The following HK2 variants were observed in gnomAD, a reference collection of about 807,000 sequenced individuals.
HK2 encodes hexokinase 2, also known as hexokinase-2.
Under a neutral mutation model 92.9 loss-of-function variants are expected in HK2, and 42 were observed. The observed-to-expected ratio is 0.45, with a 90% CI of 0.35 to 0.58. The LOEUF (loss-of-function observed/expected upper bound fraction) is 0.58, where lower values mean the gene tolerates loss of function less well. HK2 is among the 20% of genes least tolerant of loss of function. The pLI, the probability that HK2 is intolerant of heterozygous loss-of-function variation, is 0.00. For synonymous variants in HK2, 422 were observed against 468.0 expected (o/e 0.90, Z 1.27); for missense variants, 978 against 1,245.1 (o/e 0.79, Z 3.23).
At chr2:74,883,075 G>T (rs1689441266) in intron 12 of HK2, among the ~76,000 whole-genome samples, 1 of 152,136 alleles carries the variant, frequency 6.6e-6, no homozygotes, top group Admixed American at 6.5e-5. Flanking sequence ...GGCAGTGCTG[G>T]ATCTGCTGAT....
intron 2 of HK2, among the ~76,000 whole-genome samples, chr2:74,862,495 A>C (rs1688853283): frequency 2.0e-5 from 3 of 152,154 alleles, no homozygotes; most frequent in Admixed American, 1.3e-4. Flanking sequence ...AAACAATTAG[A>C]GATATCGGGC....
At chr2:74,848,278 T>A (rs1430557495) in intron 1 of HK2, among the ~76,000 whole-genome samples, 3 of 152,248 alleles carry the variant, frequency 2.0e-5, no homozygotes, top group Non-Finnish European at 4.4e-5. Context: ...CTCATTGATC[T>A]ATAATATGAG....
At chr2:74,872,043 GCTTA>G (rs1689110649) in intron 3 of HK2, among the ~76,000 whole-genome samples, 2 of 152,200 alleles carry the variant, frequency 1.3e-5, no homozygotes, top group South Asian at 4.1e-4. Context: ...TAGAAAAATG[GCTTA>G]AGTAGAGGAC....
chr2:74,868,695 C>T (rs1234639418), intron 3 of HK2, among the ~76,000 whole-genome samples: 1 of 152,118 alleles, frequency 6.6e-6, no homozygotes, highest in Non-Finnish European at 1.5e-5. Context: ...GCCTCGATCT[C>T]CTGCCTTGGG....
At chr2:74,886,766 G>A (rs1305382114) in intron 15 of HK2, 93 bp downstream of exon 15, 6 of 1,302,644 alleles carry the variant, frequency 4.6e-6, no homozygotes, top group African/African-American at 2.9e-5. Flanking sequence ...CCAGGACGCC[G>A]GTTCTCGTGA....
chr2:74,849,883 A>G (rs1471792429), intron 1 of HK2, among the ~76,000 whole-genome samples: 1 of 152,230 alleles, frequency 6.6e-6, no homozygotes, highest in Admixed American at 6.5e-5. Flanking sequence ...TTCTGATGCC[A>G]GAGCACTCCT....
rs183287241 is a variant in HK2 at position 74,889,655 on chromosome 2, C to T, written c.2609+177C>T. Among the ~76,000 whole-genome samples the T allele has an allele frequency of 1.1e-4, 16 of 152,184 alleles. 1 individual carries two copies. The highest frequency in any genetic ancestry group is 9.2e-4 in the Admixed American group (14 of 15,290). ...ATCAGAAGTAGGCCTGTGTTTCACC[C>T]CCCACCGTGGGAAGCCCCCTCCGAG... is the stretch of plus-strand genomic sequence containing the variant. On this transcript the variant is annotated intron_variant, in intron 17 of 17. Transcript: ENST00000290573.
At chr2:74,837,698 A>T (rs1285950717) in intron 1 of HK2, among the ~76,000 whole-genome samples, 2 of 115,528 alleles carry the variant, frequency 1.7e-5, no homozygotes. Context: ...TTTTTTTGAG[A>T]CACAGTTTCA....
chr2:74,867,853 C>T, intron 3 of HK2, 69 bp downstream of exon 3: 1 of 1,567,488 alleles, frequency 6.4e-7, no homozygotes, highest in Admixed American at 1.7e-5. Context: ...TCTGTACTTT[C>T]TCCAGCCGCT....
intron 8 of HK2, 77 bp from the exon 9 acceptor site, chr2:74,878,611 T>C: frequency 8.4e-7 from 1 of 1,184,842 alleles, no homozygotes. Context: ...CTAAAGGGCT[T>C]CCTTGCCACC....
chr2:74,842,025 G>A (rs754825152), intron 1 of HK2, among the ~76,000 whole-genome samples: 1 of 152,232 alleles, frequency 6.6e-6, no homozygotes, highest in Non-Finnish European at 1.5e-5. Flanking sequence ...TGCATAACAC[G>A]CAGTGTGAGC....
At chr2:74,846,667 T>A (rs1348892566) in intron 1 of HK2, among the ~76,000 whole-genome samples, 1 of 152,198 alleles carries the variant, frequency 6.6e-6, no homozygotes, top group Admixed American at 6.5e-5. Context: ...CTTGTTTTTG[T>A]TTTTAAGAGA....
At chr2:74,869,413 T>G (rs147371707) in intron 3 of HK2, among the ~76,000 whole-genome samples, 1 of 152,184 alleles carries the variant, frequency 6.6e-6, no homozygotes, top group South Asian at 2.1e-4. Context: ...GTATCAGTAT[T>G]TTACTTAAAG....
chr2:74,881,220 C>T (rs1345869212), intron 10 of HK2, among the ~76,000 whole-genome samples: 1 of 152,220 alleles, frequency 6.6e-6, no homozygotes, highest in Non-Finnish European at 1.5e-5. Context: ...AGATTTCTGA[C>T]CCCTGCTGTA....
intron 1 of HK2, among the ~76,000 whole-genome samples, chr2:74,849,843 A>G (rs1688525553): frequency 6.6e-6 from 1 of 152,228 alleles, no homozygotes; most frequent in Admixed American, 6.5e-5. Flanking sequence ...ACCTGTACGA[A>G]CGCTACCACT....
chr2:74,871,077 A>G (rs1166091094), intron 3 of HK2, among the ~76,000 whole-genome samples: 6 of 152,158 alleles, frequency 3.9e-5, no homozygotes, highest in Admixed American at 3.9e-4. Context: ...GGTTTGGCAT[A>G]GTGGTTCTCA....
At position 74,834,675 on chromosome 2, in the gene HK2, G is replaced by A. The variant is rs756566558; in HGVS notation, c.63+32G>A. 23 of 1,611,174 alleles carry A rather than the reference G, an allele frequency of 1.4e-5. No individual in the cohort carries two copies. In the South Asian group the frequency reaches 2.3e-4, roughly 16 times the overall value. ...CAGCGCGGGCGGGGCGGCAGGCTGGGCTCTGGCAAAGTGGTCTGGCCTCCA... is the reference window on the plus strand; with the variant it reads ...CAGCGCGGGCGGGGCGGCAGGCTGGACTCTGGCAAAGTGGTCTGGCCTCCA... On this transcript the variant is annotated intron_variant, in intron 1 of 17. Transcript: ENST00000290573. The surrounding 1 kb of genome is among the most constrained non-coding windows in gnomAD (Gnocchi z 4.2).
chr2:74,862,723 C>T (rs1222575147), intron 2 of HK2, among the ~76,000 whole-genome samples: 1 of 152,302 alleles, frequency 6.6e-6, no homozygotes, highest in East Asian at 1.9e-4. Flanking sequence ...TGATAGATAG[C>T]CTCAGTACAG....
At chr2:74,842,474 C>T (rs1260521292) in intron 1 of HK2, among the ~76,000 whole-genome samples, 5 of 152,152 alleles carry the variant, frequency 3.3e-5, no homozygotes, top group African/African-American at 1.2e-4. Context: ...AGCATCTGTA[C>T]ATAGGGAGAG....
Sources: gnomAD v4.1 joint callset for allele counts (sites outside exome capture counted in the v4.1 genomes callset) on GRCh38, gnomAD v4.1.1 for gene constraint, Gnocchi (gnomAD v3.1) non-coding constraint, MANE v1.5 for transcripts, NCBI Gene and HGNC (gene_info 2026-07-23, HGNC 2026-07-21) for gene names.